The following LIPK variants were observed in gnomAD, a reference collection of about 807,000 sequenced individuals.
LIPK encodes the protein lipase member K.
Under a neutral mutation model 48.6 loss-of-function variants are expected in LIPK, and 32 were observed. That is an observed-to-expected ratio of 0.66 (90% confidence interval 0.50 to 0.88). The LOEUF (loss-of-function observed/expected upper bound fraction) is 0.88, where lower values mean the gene tolerates loss of function less well. LIPK is among the 40% of genes least tolerant of loss of function. The pLI, the probability that LIPK is intolerant of heterozygous loss-of-function variation, is 0.00. For missense variants in LIPK, 507 were observed against 478.5 expected, an observed-to-expected ratio of 1.06 and a Z score of -0.56; for synonymous variants, 164 against 157.4, an observed-to-expected ratio of 1.04 and a Z score of -0.32.
At chr10:88,713,314 A>G (rs1227181983) in intron 1 of LIPK, among the ~76,000 whole-genome samples, 2 of 152,202 alleles carry the variant, frequency 1.3e-5, no homozygotes, top group African/African-American at 2.4e-5. Context: ...TCAACGCCAT[A>G]TAGTTATTTC....
At chr10:88,737,587 T>G in intron 6 of LIPK, 48 bp from the exon 7 acceptor site, 4 of 1,596,262 alleles carry the variant, frequency 2.5e-6, no homozygotes, top group Non-Finnish European at 3.4e-6. Context: ...TCTCCACTTT[T>G]GATATCCACG....
At chr10:88,739,922 T>C (rs889984274) in intron 7 of LIPK, 74 bp from the exon 8 acceptor site, 27 of 880,576 alleles carry the variant, frequency 3.1e-5, no homozygotes, top group Non-Finnish European at 4.6e-5. Context: ...AGAAACTTTT[T>C]AAATTTCTCT....
intron 9 of LIPK, among the ~76,000 whole-genome samples, chr10:88,744,636 A>G (rs550073653): frequency 6.6e-6 from 1 of 152,372 alleles, no homozygotes; most frequent in African/African-American, 2.4e-5. Flanking sequence ...AGCCTCATCC[A>G]AAGGACAGCA....
chr10:88,708,154 T>G (rs2134673348), intron 1 of LIPK, among the ~76,000 whole-genome samples: 2 of 152,288 alleles, frequency 1.3e-5, no homozygotes, highest in South Asian at 4.1e-4. Flanking sequence ...TATTACAAGA[T>G]GGAAGTACTA....
chr10:88,744,253 C>T (rs138492813), intron 9 of LIPK, among the ~76,000 whole-genome samples: 2 of 152,358 alleles, frequency 1.3e-5, no homozygotes, highest in Non-Finnish European at 2.9e-5. Flanking sequence ...CTGGCAGATT[C>T]TGCCTAGGCA....
chr10:88,725,195 A>G (rs527540344), intron 2 of LIPK, among the ~76,000 whole-genome samples: 114 of 152,366 alleles, frequency 7.5e-4, no homozygotes, highest in African/African-American at 2.7e-3. Context: ...GCTGTCCTGT[A>G]CCATACGCAA....
chr10:88,744,507 C>T (rs533316353), intron 9 of LIPK, among the ~76,000 whole-genome samples: 25 of 152,280 alleles, frequency 1.6e-4, no homozygotes, highest in African/African-American at 5.8e-4. Flanking sequence ...AGCACCCAGC[C>T]CAGGAGTGCT....
rs758632414 is a variant in LIPK at position 88,743,329 on chromosome 10, A to C, written c.960+8A>C. 1 of 1,572,440 alleles carries C rather than the reference A, an allele frequency of 6.4e-7. No homozygotes were observed. Among genetic ancestry groups the C allele is most frequent in the Non-Finnish European group, 8.7e-7 (1 of 1,153,996 alleles). ...ATGATGCACTTCCATCAGGTACAAA[A>C]ATAATCCTCATAATCAGTTCCATGC... On this transcript the variant is annotated splice_region_variant and intron_variant, in intron 9 of 9. Transcript: ENST00000404190.
chr10:88,711,686 G>A (rs1375315771), intron 1 of LIPK, among the ~76,000 whole-genome samples: 2 of 152,152 alleles, frequency 1.3e-5, no homozygotes, highest in African/African-American at 2.4e-5. Flanking sequence ...TGTTGGCCAG[G>A]TGGGTCTTGA....
At chr10:88,708,640 A>G (rs1841976854) in intron 1 of LIPK, among the ~76,000 whole-genome samples, 1 of 152,086 alleles carries the variant, frequency 6.6e-6, no homozygotes, top group South Asian at 2.1e-4. Flanking sequence ...TTAAAATTAA[A>G]TTGCTACACA....
chr10:88,745,173 G>C (rs1260609240), intron 9 of LIPK, among the ~76,000 whole-genome samples: 1 of 144,626 alleles, frequency 6.9e-6, no homozygotes, highest in African/African-American at 2.5e-5. Context: ...TCCTGAAAGA[G>C]AGGAAGAGAG....
intron 6 of LIPK, among the ~76,000 whole-genome samples, chr10:88,734,550 G>A (rs913334408): frequency 6.6e-6 from 1 of 152,156 alleles, no homozygotes; most frequent in Admixed American, 6.5e-5. Flanking sequence ...ACAGGGGAAT[G>A]ACACGCATAA....
chr10:88,731,193 C>T lies in LIPK; in HGVS notation c.422+12C>T. On this transcript the variant is annotated intron_variant, in intron 4 of 9. Transcript: ENST00000404190. Reference sequence around the variant, plus strand: ...TACTGGGCCTTCAGGTAAAGAGAAACCTATTAATGAATAAAATGTGTACTT... The same window carrying T: ...TACTGGGCCTTCAGGTAAAGAGAAATCTATTAATGAATAAAATGTGTACTT... 1 of 1,507,404 alleles carries T rather than the reference C, an allele frequency of 6.6e-7. No individual in the cohort carries two copies. The highest frequency in any genetic ancestry group is 2.4e-5 in the East Asian group (1 of 41,428). The allele number at this position is 1,507,404 out of a possible 1,614,324, so 93.4% of individuals were successfully genotyped here.
chr10:88,728,227 T>G, intron 3 of LIPK: 1 of 196,512 alleles, frequency 5.1e-6, no homozygotes. Flanking sequence ...ACATCTCTGG[T>G]CCTATCCTTG....
At chr10:88,727,381 C>T (rs378308) in intron 3 of LIPK, 140,135 of 184,084 alleles carry the variant, frequency 0.76, 54,707 homozygotes, top group East Asian at 1. Flanking sequence ...TACAATGCCT[C>T]CTCACTGGTA....
At chr10:88,727,291 T>C (rs984191980) in intron 3 of LIPK, among the ~76,000 whole-genome samples, 2 of 152,194 alleles carry the variant, frequency 1.3e-5, no homozygotes, top group African/African-American at 4.8e-5. Flanking sequence ...AATTTTGCCT[T>C]CTAAATTTCT....
At chr10:88,738,606 A>G (rs1842620578) in intron 7 of LIPK, among the ~76,000 whole-genome samples, 1 of 152,240 alleles carries the variant, frequency 6.6e-6, no homozygotes, top group African/African-American at 2.4e-5. Context: ...AGATGCAAGG[A>G]TATATGTAGG....
chr10:88,726,041 C>T (rs1490532024), intron 2 of LIPK, among the ~76,000 whole-genome samples: 1 of 151,308 alleles, frequency 6.6e-6, no homozygotes, highest in Non-Finnish European at 1.5e-5. Context: ...ATTTGGTTAT[C>T]TCAGCTTAAC....
intron 8 of LIPK, among the ~76,000 whole-genome samples, chr10:88,742,804 A>G (rs1004831127): frequency 6.6e-5 from 10 of 152,232 alleles, no homozygotes; most frequent in African/African-American, 2.4e-4. Context: ...TAATCATAAC[A>G]GTTTAGACCA....
Sources: allele counts gnomAD v4.1 joint callset (sites outside exome capture counted in the v4.1 genomes callset), GRCh38; gene constraint gnomAD v4.1.1; transcripts MANE v1.5; gene names NCBI Gene and HGNC (gene_info 2026-07-23, HGNC 2026-07-21).